Variants in PTPRJ observed in about 807,000 individuals in gnomAD.
The protein encoded by PTPRJ is protein tyrosine phosphatase receptor type J.
A neutral mutation model predicts 141.3 loss-of-function variants in PTPRJ; 129 were observed. That is an observed-to-expected ratio of 0.91 (90% confidence interval 0.79 to 1.06). The LOEUF (loss-of-function observed/expected upper bound fraction) is 1.06. Ranked by LOEUF, PTPRJ falls within the 50% of genes least tolerant of loss-of-function variation. The probability of loss-of-function intolerance (pLI) is 0.00; values close to 1 mark genes in which losing one functional copy is unlikely to be tolerated. For missense variants in PTPRJ, 1,601 were observed against 1,679.7 expected, an observed-to-expected ratio of 0.95 and a Z score of 0.82; for synonymous variants, 610 against 640.5, an observed-to-expected ratio of 0.95 and a Z score of 0.72.
At chr11:48,153,997 T>C (rs1857545430) in intron 19 of PTPRJ, 111 bp downstream of exon 19, 1 of 758,298 alleles carries the variant, frequency 1.3e-6, no homozygotes, top group Admixed American at 2.2e-5. Context: ...CCACAACCAT[T>C]CATTAGTCAC....
intron 1 of PTPRJ, among the ~76,000 whole-genome samples, chr11:48,083,173 C>G (rs1855611213): frequency 6.6e-6 from 1 of 152,222 alleles, no homozygotes; most frequent in African/African-American, 2.4e-5. Context: ...CGCCTGTAAT[C>G]CCAGCACTTT....
intron 1 of PTPRJ, among the ~76,000 whole-genome samples, chr11:48,003,274 A>G (rs879308877): frequency 1.3e-5 from 2 of 152,210 alleles, no homozygotes; most frequent in Non-Finnish European, 2.9e-5. Context: ...TGGTGCAAGG[A>G]CCAATATCTT....
intron 1 of PTPRJ, among the ~76,000 whole-genome samples, chr11:48,105,062 G>A (rs879503245): frequency 2.6e-5 from 4 of 152,048 alleles, no homozygotes; most frequent in Non-Finnish European, 5.9e-5. Flanking sequence ...GGTAGCAAAG[G>A]GTTTAGTTAA....
intron 1 of PTPRJ, among the ~76,000 whole-genome samples, chr11:47,992,237 G>A (rs113617732): frequency 0.1 from 15,315 of 151,872 alleles, 1,021 homozygotes; most frequent in Non-Finnish European, 0.13. Context: ...GCAGTGGTGC[G>A]ATCTCAGCTC....
intron 3 of PTPRJ, among the ~76,000 whole-genome samples, chr11:48,115,894 C>G (rs749098516): frequency 1.1e-4 from 17 of 151,930 alleles, no homozygotes; most frequent in Non-Finnish European, 1.6e-4. Context: ...TTTTATAAGC[C>G]TCATGGTAAC....
intron 1 of PTPRJ, among the ~76,000 whole-genome samples, chr11:48,038,574 C>T (rs1854187685): frequency 6.6e-6 from 1 of 151,958 alleles, no homozygotes; most frequent in Non-Finnish European, 1.5e-5. Flanking sequence ...TCACTGCAAC[C>T]TCCGCCTCCC....
chr11:48,011,434 G>T (rs1321766597), intron 1 of PTPRJ, among the ~76,000 whole-genome samples: 1 of 152,244 alleles, frequency 6.6e-6, no homozygotes, highest in South Asian at 2.1e-4. Flanking sequence ...CCGATCAGGG[G>T]CTCAGAGTGT....
intron 1 of PTPRJ, among the ~76,000 whole-genome samples, chr11:48,090,955 G>A (rs1303763164): frequency 6.6e-6 from 1 of 152,190 alleles, no homozygotes; most frequent in Non-Finnish European, 1.5e-5. Context: ...TCCAAAGGAT[G>A]AGTATGGGGA....
At chr11:48,141,794 T>G (rs1378396527) in intron 11 of PTPRJ, among the ~76,000 whole-genome samples, 1 of 152,208 alleles carries the variant, frequency 6.6e-6, no homozygotes, top group East Asian at 1.9e-4. Context: ...AGCTTCTTAC[T>G]CTAATGATGG....
chr11:47,980,725 C>T lies in PTPRJ; in HGVS notation c.-188C>T, dbSNP rs1177882153. ...AGCCGCGCTAGGCTCCGGCGTGTGGCCGCGGCCGCCGCCGCCGCTGCCATG... is the reference window on the plus strand; with the variant it reads ...AGCCGCGCTAGGCTCCGGCGTGTGGTCGCGGCCGCCGCCGCCGCTGCCATG... On this transcript the variant is annotated 5_prime_UTR_variant, in exon 1 of 25. Transcript: ENST00000418331. 3 of 1,002,654 alleles carry T rather than the reference C, an allele frequency of 3.0e-6. No homozygotes were observed. Among genetic ancestry groups the T allele is most frequent in the Non-Finnish European group, 2.4e-6 (2 of 843,168 alleles). 62.1% of individuals were successfully genotyped at this position (1,002,654 alleles called of 1,614,324 possible). A position where few individuals can be genotyped will look rare whatever the true frequency, so the allele number is the denominator to read the frequency against.
rs1359151048 is a variant in PTPRJ, at chr11:48,110,035, T to A, written c.97-23T>A. 1.5e-5 allele frequency: 25 copies of A among 1,613,594 alleles called. No homozygotes were observed. In the East Asian group the frequency reaches 5.6e-4, roughly 36 times the overall value. On this transcript the variant is annotated intron_variant, in intron 1 of 24. Transcript: ENST00000418331. ...CCATGGCTGAATGAATCTGCTGACTTCCGTTTTCTTTTTCTGTTTCAGATC... is the reference window on the plus strand; with the variant it reads ...CCATGGCTGAATGAATCTGCTGACTACCGTTTTCTTTTTCTGTTTCAGATC...
At chr11:48,166,907 C>T (rs1434953282) in intron 24 of PTPRJ, among the ~76,000 whole-genome samples, 1 of 152,174 alleles carries the variant, frequency 6.6e-6, no homozygotes, top group Non-Finnish European at 1.5e-5. Flanking sequence ...ATTTTTTCCT[C>T]TACATTTCCT....
chr11:48,142,941 C>T lies in PTPRJ; in HGVS notation c.2466C>T (p.Ser822=). Residue 822 remains serine (S), a synonymous_variant, in exon 12 of 25, where the codon TCC becomes TCT. Coordinates refer to ENST00000418331, the MANE Select transcript of PTPRJ (RefSeq NM_002843.4). ...GITDPPPPDG[S]PNITSVSHNS... ...TAGATCCCCCTCCTCCAGATGGATC[C>T]CCTAATATTACATCTGTCAGTCACA... 6.2e-7 allele frequency: 1 copy of T among 1,613,992 alleles called. No individual in the cohort carries two copies. The highest frequency in any genetic ancestry group is 8.5e-7 in the Non-Finnish European group (1 of 1,179,912).
At chr11:48,153,732 TATGCTAA>T in intron 18 of PTPRJ, 57 bp from the exon 19 acceptor site, 1 of 1,096,740 alleles carries the variant, frequency 9.1e-7, no homozygotes, top group African/African-American at 1.6e-5. Flanking sequence ...TGTCATATGC[TATGCTAA>T]ATATGAATAA....
At position 48,125,052 on chromosome 11, in the gene PTPRJ, C is replaced by A; in HGVS notation, c.959C>A (p.Ser320Tyr). ...DESLVGPVDPSSGQQSRDTEV... is the reference protein window; with the variant it reads ...DESLVGPVDPYSGQQSRDTEV... ...TCCCTCGTGGGACCTGTGGACCCAT[C>A]CTCCGGCCAGCAGTCCCGAGACACG... Residue 320 changes from serine (S) to tyrosine (Y), a missense_variant, in exon 6 of 25, where the codon TCC becomes TAC. By Grantham distance (144) the Ser-to-Tyr change is moderately radical. Transcript: ENST00000418331. 1 of 1,614,146 alleles carries A rather than the reference C, an allele frequency of 6.2e-7. No homozygotes were observed. The highest frequency in any genetic ancestry group is 8.5e-7 in the Non-Finnish European group (1 of 1,180,018).
chr11:47,992,161 T>C (rs1370028397), intron 1 of PTPRJ, among the ~76,000 whole-genome samples: 2 of 152,088 alleles, frequency 1.3e-5, no homozygotes, highest in African/African-American at 2.4e-5. Context: ...ACGTTCATAG[T>C]ATAGGCCACC....
intron 1 of PTPRJ, among the ~76,000 whole-genome samples, chr11:47,999,698 A>T (rs1854437697): frequency 6.6e-6 from 1 of 152,114 alleles, no homozygotes; most frequent in South Asian, 2.1e-4. Flanking sequence ...GTTGAGAACC[A>T]CTGAGACCAA....
chr11:48,053,650 C>T (rs1013384656), intron 1 of PTPRJ, among the ~76,000 whole-genome samples: 2 of 147,032 alleles, frequency 1.4e-5, no homozygotes, highest in African/African-American at 5.0e-5. Context: ...GATCTTGGCT[C>T]ATTGCAACCT....
intron 1 of PTPRJ, among the ~76,000 whole-genome samples, chr11:47,983,318 T>C (rs1333526286): frequency 2.0e-5 from 3 of 152,272 alleles, no homozygotes; most frequent in Non-Finnish European, 4.4e-5. Context: ...CTGAAGTTTG[T>C]TTAGGAAACA....
Sources: allele counts gnomAD v4.1 joint callset (sites outside exome capture counted in the v4.1 genomes callset), GRCh38; gene constraint gnomAD v4.1.1; transcripts MANE v1.5; gene names NCBI Gene and HGNC (gene_info 2026-07-23, HGNC 2026-07-21).